The following MAP3K11 variants were observed in gnomAD, a reference collection of about 807,000 sequenced individuals.
MAP3K11 encodes SH3 domain-containing proline-rich kinase.
Under a neutral mutation model 84.9 loss-of-function variants are expected in MAP3K11, and 46 were observed. The ratio of observed to expected loss-of-function variants is 0.54; its 90% confidence interval spans 0.43 to 0.69. The LOEUF (loss-of-function observed/expected upper bound fraction) is 0.69. Ranked by LOEUF, MAP3K11 falls within the 30% of genes least tolerant of loss-of-function variation. MAP3K11 has a pLI of 0.00. For synonymous variants in MAP3K11, 527 were observed against 514.7 expected (o/e 1.02, Z -0.32); for missense variants, 1,053 against 1,198.3 (o/e 0.88, Z 1.79).
chr11:65,607,874 C>G, intron 3 of MAP3K11, 48 bp downstream of exon 3: 2 of 1,608,586 alleles, frequency 1.2e-6, no homozygotes, highest in South Asian at 1.1e-5. Context: ...GTGGATGTGT[C>G]CTGGGCCAGG....
At position 65,598,539 on chromosome 11, in the gene MAP3K11, G is replaced by A. The variant is rs750035582; in HGVS notation, c.2296C>T (p.Arg766Ter). The stretch of plus-strand genomic sequence containing the variant: ...CTGCGAAGGGGCGAGGGCCGAGGTC[G>A]GCTGATGAGGCCCAGGGGTGGTGAA... ...PRSPPLGLIS[R>*]PRPSPLRSRI... is the part of the protein sequence containing the mutation. The change falls in exon 10 of 10, where the codon CGA becomes TGA. Residue 766 changes from arginine (R) to a stop codon, truncating the protein, a stop_gained. Coordinates refer to ENST00000309100, the MANE Select transcript of MAP3K11 (RefSeq NM_002419.4). LOFTEE classifies it high-confidence loss of function. 8 of 1,611,510 alleles carry A rather than the reference G, an allele frequency of 5.0e-6. No homozygotes were observed. The highest frequency in any genetic ancestry group is 1.1e-5 in the South Asian group (1 of 90,754).
chr11:65,598,543 G>A lies in MAP3K11; in HGVS notation c.2292C>T (p.Ile764=). 1.2e-6 allele frequency: 2 copies of A among 1,611,400 alleles called. No individual in the cohort carries two copies. The highest frequency in any genetic ancestry group is 2.2e-5 in the East Asian group (1 of 44,832). ...GTPRSPPLGL[I]SRPRPSPLRS... is the part of the protein sequence containing the mutation. ...GAAGGGGCGAGGGCCGAGGTCGGCT[G>A]ATGAGGCCCAGGGGTGGTGAACGTG... The change falls in exon 10 of 10, where the codon ATC becomes ATT. Residue 764 remains isoleucine (I), a synonymous_variant. Transcript: ENST00000309100.
At chr11:65,605,044 G>A (rs117090535) in intron 8 of MAP3K11, among the ~76,000 whole-genome samples, 5 of 152,178 alleles carry the variant, frequency 3.3e-5, no homozygotes, top group Non-Finnish European at 5.9e-5. Context: ...CACTACGAGA[G>A]CATTGGAGCT....
intron 5 of MAP3K11, 198 bp from the exon 6 acceptor site, chr11:65,607,002 C>T (rs1854516295): frequency 3.4e-6 from 2 of 585,174 alleles, no homozygotes; most frequent in Non-Finnish European, 5.7e-6. Flanking sequence ...CGGAGATGCC[C>T]TGGCGCCGGC....
At chr11:65,598,975 T>C (rs1854417387) in intron 9 of MAP3K11, among the ~76,000 whole-genome samples, 1 of 152,188 alleles carries the variant, frequency 6.6e-6, no homozygotes, top group African/African-American at 2.4e-5. Context: ...CGGGAAAGCC[T>C]TGCAAACAGT....
chr11:65,613,403 C>T lies in MAP3K11; in HGVS notation c.354G>A (p.Arg118=), dbSNP rs975265029. 30 of 1,612,824 alleles carry T rather than the reference C, an allele frequency of 1.9e-5. No homozygotes were observed. The highest frequency in any genetic ancestry group is 2.5e-5 in the Non-Finnish European group (30 of 1,179,836). ...CTCCAATGCCGATCACCTCCTCCAG[C>T]CGCAGCTCCTGGAAGCTGGCCACCT... The part of the protein sequence containing the change: ...PCEVASFQEL[R]LEEVIGIGGF... Residue 118 remains arginine, a synonymous_variant, in exon 1 of 10, where the codon CGG becomes CGA. Transcript: ENST00000309100.
chr11:65,597,937 A>G lies in MAP3K11; in HGVS notation c.*354T>C. 1 of 222,342 alleles carries G rather than the reference A, an allele frequency of 4.5e-6. No individual in the cohort carries two copies. Among genetic ancestry groups the G allele is most frequent in the Non-Finnish European group, 8.8e-6 (1 of 114,022 alleles). The allele number at this position is 222,342 out of a possible 1,614,324, so 13.8% of individuals were successfully genotyped here. On this transcript the variant is annotated 3_prime_UTR_variant, in exon 10 of 10. Coordinates refer to ENST00000309100, the MANE Select transcript of MAP3K11 (RefSeq NM_002419.4). ...GGGCCGCAGTAGCAGGACTTGGTCA[A>G]AAGTGCTGGTGACAGCTGAGGCCGG... is the stretch of plus-strand genomic sequence containing the variant.
In MAP3K11 at chr11:65,599,606, C is replaced by A; in HGVS notation, c.1994G>T (p.Gly665Val). 1 of 1,542,178 alleles carries A rather than the reference C, an allele frequency of 6.5e-7. No individual in the cohort carries two copies. Among genetic ancestry groups the A allele is most frequent in the Non-Finnish European group, 8.7e-7 (1 of 1,150,452 alleles). Residue 665 changes from glycine to valine, a missense_variant, in exon 9 of 10, where the codon GGA becomes GTA. Physicochemically the swap from Gly to Val is moderately radical, Grantham distance 109 (BLOSUM62 -3). Around this residue, in one of 3 missense-constraint regions of MAP3K11, gnomAD observed 583 missense variants for 566.6 expected, o/e 1.03. Coordinates refer to ENST00000309100, the MANE Select transcript of MAP3K11 (RefSeq NM_002419.4). ...LGLGRDLQPP[G>V]GPGRERGESP... ...CTCCCCGCGCTCGCGTCCTGGGCCT[C>A]CCGGCGGCTGCAGGTCGCGGCCAAG...
At position 65,598,468 on chromosome 11, in the gene MAP3K11, A is replaced by C. The variant is rs200098330; in HGVS notation, c.2367T>G (p.Ser789=). The C allele has an allele frequency of 6.2e-7, 1 of 1,613,036 alleles. No homozygotes were observed. The highest frequency in any genetic ancestry group is 8.5e-7 in the Non-Finnish European group (1 of 1,179,534). Residue 789 remains serine (S), a synonymous_variant, in exon 10 of 10, where the codon TCT becomes TCG. Transcript: ENST00000309100. Reference sequence around the variant, plus strand: ...GTGCAGGCTGTGGTGATGGCAGGGGAGAAGGCCGTGGCCCAGCTGACACAA... The same window carrying C: ...GTGCAGGCTGTGGTGATGGCAGGGGCGAAGGCCGTGGCCCAGCTGACACAA... The part of the protein sequence containing the change: ...WSFVSAGPRP[S]PLPSPQPAPR...
At position 65,608,339 on chromosome 11, in the gene MAP3K11, C is replaced by CGCG; in HGVS notation, c.846_848dup (p.Ala283dup). 6.2e-7 allele frequency: 1 copy of CGCG among 1,614,216 alleles called. No individual in the cohort carries two copies. The highest frequency in any genetic ancestry group is 8.5e-7 in the Non-Finnish European group (1 of 1,180,046). On this transcript the variant is annotated inframe_insertion, in exon 2 of 10. Coordinates refer to ENST00000309100, the MANE Select transcript of MAP3K11 (RefSeq NM_002419.4). The stretch of plus-strand genomic sequence containing the variant: ...CAGGAGCCATCCAGGCGTAGGTGCC[C>CGCG]GCGGCACTCATTTGTGTGGTTTTGT...
rs775868356 is a variant in MAP3K11, at chr11:65,606,095, C to G, written c.1604-14G>C. ...CTGCAGGCTCCACTGCAGGGGAAAC[C>G]GATGAAATCGGAGATAATCTTTATT... On this transcript the variant is annotated splice_polypyrimidine_tract_variant and intron_variant, in intron 6 of 9. Transcript: ENST00000309100. 2.6e-6 allele frequency: 4 copies of G among 1,559,080 alleles called. No homozygotes were observed. Among genetic ancestry groups the G allele is most frequent in the East Asian group, 2.3e-5 (1 of 43,590 alleles).
At chr11:65,606,144 C>G in intron 6 of MAP3K11, 63 bp from the exon 7 acceptor site, 1 of 1,500,456 alleles carries the variant, frequency 6.7e-7, no homozygotes, top group Non-Finnish European at 8.9e-7. Context: ...CACAGTCAGG[C>G]TTCAGAGATA....
At chr11:65,604,911 C>A (rs1260958558) in intron 8 of MAP3K11, among the ~76,000 whole-genome samples, 1 of 152,112 alleles carries the variant, frequency 6.6e-6, no homozygotes, top group Non-Finnish European at 1.5e-5. Flanking sequence ...CAGAGCTGGG[C>A]AGTGTTGAGC....
chr11:65,598,218 C>G lies in MAP3K11; in HGVS notation c.*73G>C. ...AAACTGAGGCAGCTGCAGAGGCTGA[C>G]CCAGCTCCTGTTCCAGTGTATGCTG... On this transcript the variant is annotated 3_prime_UTR_variant, in exon 10 of 10. Coordinates refer to ENST00000309100, the MANE Select transcript of MAP3K11 (RefSeq NM_002419.4). 2.4e-6 allele frequency: 3 copies of G among 1,272,780 alleles called. No homozygotes were observed. The highest frequency in any genetic ancestry group is 2.0e-6 in the Non-Finnish European group (2 of 984,098). The allele number at this position is 1,272,780 out of a possible 1,614,324, so 78.8% of individuals were successfully genotyped here.
intron 1 of MAP3K11, chr11:65,611,960 G>A (rs1854574909): frequency 6.6e-6 from 1 of 152,238 alleles, no homozygotes; most frequent in Non-Finnish European, 1.5e-5. Context: ...GCAAGAACTT[G>A]GATATCTGGG....
At position 65,605,716 on chromosome 11, in the gene MAP3K11, G is replaced by A. The variant is rs368669140; in HGVS notation, c.1831+45C>T. On this transcript the variant is annotated intron_variant, in intron 8 of 9. Coordinates refer to ENST00000309100, the MANE Select transcript of MAP3K11 (RefSeq NM_002419.4). ...ATTGTGGCCTCCCCAAGGTGCCCAC[G>A]GAAGGAGCTCAGCCAGATCCTGCCG... 39 of 1,481,816 alleles carry A rather than the reference G, an allele frequency of 2.6e-5. No homozygotes were observed. The African/African-American group carries it at 4.0e-4, about 15-fold the overall frequency. 91.8% of individuals were successfully genotyped at this position (1,481,816 alleles called of 1,614,324 possible). A position where few individuals can be genotyped will look rare whatever the true frequency, so the allele number is the denominator to read the frequency against.
chr11:65,602,911 G>C (rs149636495), intron 8 of MAP3K11, among the ~76,000 whole-genome samples: 1 of 152,038 alleles, frequency 6.6e-6, no homozygotes, highest in Non-Finnish European at 1.5e-5. Context: ...GCGCAGCCCA[G>C]CCTGGGCAAC....
In MAP3K11 at chr11:65,598,061, G is replaced by A. The variant is rs959433490; in HGVS notation, c.*230C>T. The stretch of plus-strand genomic sequence containing the variant: ...CCCAACCAGCTGGGTACAGTGTTGG[G>A]CCCCAGTAGGGCAGGTGAGCTGGGG... On this transcript the variant is annotated 3_prime_UTR_variant, in exon 10 of 10. Coordinates refer to ENST00000309100, the MANE Select transcript of MAP3K11 (RefSeq NM_002419.4). The A allele has an allele frequency of 4.2e-5, 17 of 400,230 alleles. No homozygotes were observed. The highest frequency in any genetic ancestry group is 8.5e-5 in the Admixed American group (2 of 23,652). The allele number at this position is 400,230 out of a possible 1,614,324, so 24.8% of individuals were successfully genotyped here.
In MAP3K11 at chr11:65,606,027, T is replaced by A; in HGVS notation, c.1658A>T (p.Glu553Val). The A allele has an allele frequency of 6.3e-7, 1 of 1,597,068 alleles. No homozygotes were observed. The highest frequency in any genetic ancestry group is 8.5e-7 in the Non-Finnish European group (1 of 1,172,218). Residue 553 changes from glutamate (E) to valine (V), a missense_variant, in exon 7 of 10, where the codon GAG (glutamate) becomes GTG (valine). Transcript: ENST00000309100. ...AWGRQSPRRL[E>V]DSSNGERRAC... ...TCGCCGCTCTCCATTGCTTGAGTCC[T>A]CCAGACGTCGGGGGGACTGGCGGCC... is the stretch of plus-strand genomic sequence containing the variant.
Sources: gnomAD v4.1 joint callset for allele counts (sites outside exome capture counted in the v4.1 genomes callset) on GRCh38, gnomAD v4.1.1 for gene constraint, gnomAD v4.1.1 regional missense constraint, MANE v1.5 for transcripts, NCBI Gene and HGNC (gene_info 2026-07-23, HGNC 2026-07-21) for gene names.